ACSL1: variants seen among roughly 807,000 people sequenced by gnomAD.
The protein encoded by ACSL1 is acyl-CoA synthetase long chain family member 1, also known as long-chain-fatty-acid--CoA ligase 1.
ACSL1 carries 41 observed loss-of-function variants against 98.4 expected under a neutral mutation model. The ratio of observed to expected loss-of-function variants is 0.42; its 90% confidence interval spans 0.32 to 0.54. ACSL1 has a LOEUF of 0.54. Among genes scored for constraint, ACSL1 ranks in the 20% least tolerant of loss-of-function variants. The pLI is 0.13. For synonymous variants in ACSL1, 316 were observed against 322.7 expected, an observed-to-expected ratio of 0.98 and a Z score of 0.22; for missense variants, 734 against 883.1, an observed-to-expected ratio of 0.83 and a Z score of 2.14.
chr4:184,763,261 T>C lies in ACSL1; in HGVS notation c.1433-6A>G, dbSNP rs762010439. ...CATCGGGGCCCCAACATGGCCTGTA[T>C]ATTAAATAAGCAAATGGTCATTCCT... On this transcript the variant is annotated splice_region_variant and splice_polypyrimidine_tract_variant and intron_variant, in intron 15 of 20. Transcript: ENST00000281455. 57 of 1,613,182 alleles carry C rather than the reference T, an allele frequency of 3.5e-5. No individual in the cohort carries two copies. Among genetic ancestry groups the C allele is most frequent in the Non-Finnish European group, 4.6e-5 (54 of 1,179,614 alleles).
chr4:184,825,174 G>A lies in ACSL1; in HGVS notation c.-33+742C>T. On this transcript the variant is annotated intron_variant, in intron 1 of 20. Coordinates refer to ENST00000281455, the MANE Select transcript of ACSL1 (RefSeq NM_001995.5). The surrounding 1 kb of genome is among the most constrained non-coding windows in gnomAD (Gnocchi z 4.7). ...ACACTCTCACAACGCACCGACTGGG[G>A]GAACGCCTGTCCCCAGACTCGAATC... 2 of 985,368 alleles carry A rather than the reference G, an allele frequency of 2.0e-6. No individual in the cohort carries two copies. The highest frequency in any genetic ancestry group is 2.4e-6 in the Non-Finnish European group (2 of 829,922). The allele number at this position is 985,368 out of a possible 1,614,324, so 61.0% of individuals were successfully genotyped here.
intron 12 of ACSL1, 129 bp downstream of exon 12, chr4:184,768,187 C>T (rs577201715): frequency 1.0e-6 from 1 of 1,000,580 alleles, no homozygotes; most frequent in African/African-American, 1.7e-5. Context: ...GATGAGTAAA[C>T]TGAAGTTCTG....
chr4:184,787,342 TA>T (rs1330855096), intron 3 of ACSL1, among the ~76,000 whole-genome samples: 2 of 152,254 alleles, frequency 1.3e-5, no homozygotes, highest in South Asian at 2.1e-4. Context: ...GAGCTCGGGC[TA>T]GGGGGGCAGA....
chr4:184,795,107 C>T (rs949343630), intron 2 of ACSL1, among the ~76,000 whole-genome samples: 21 of 149,894 alleles, frequency 1.4e-4, no homozygotes, highest in Non-Finnish European at 2.9e-4. Context: ...TAGGACTGCC[C>T]GTAGAAATTT....
chr4:184,770,325 A>G, intron 11 of ACSL1, 74 bp downstream of exon 11: 1 of 1,586,378 alleles, frequency 6.3e-7, no homozygotes, highest in Non-Finnish European at 8.6e-7. Flanking sequence ...ACTCAAGGGA[A>G]GTGCTTTCTG....
intron 18 of ACSL1, chr4:184,758,221 G>C: frequency 3.4e-6 from 1 of 293,962 alleles, no homozygotes; most frequent in Non-Finnish European, 6.3e-6. Flanking sequence ...TTTAAAAGCA[G>C]GGTCAAGTAA....
intron 1 of ACSL1, chr4:184,813,899 C>T (rs780847796): frequency 2.9e-5 from 13 of 455,866 alleles, no homozygotes; most frequent in African/African-American, 1.8e-4. Context: ...AGAAACTGCA[C>T]GCAGAGAAGG....
intron 5 of ACSL1, among the ~76,000 whole-genome samples, chr4:184,779,500 A>G (rs1765873368): frequency 6.6e-6 from 1 of 152,222 alleles, no homozygotes; most frequent in African/African-American, 2.4e-5. Flanking sequence ...ACTGGTTTAC[A>G]GAAACCGTGC....
In ACSL1 at chr4:184,780,444, G is replaced by T; in HGVS notation, c.376-11C>A. The T allele has an allele frequency of 1.2e-6, 2 of 1,607,228 alleles. No homozygotes were observed. The highest frequency in any genetic ancestry group is 8.5e-7 in the Non-Finnish European group (1 of 1,177,346). On this transcript the variant is annotated splice_polypyrimidine_tract_variant and intron_variant, in intron 4 of 20. Transcript: ENST00000281455. ...CGACAATTCTGCAACCTAAAATGGAGAGGAAAAAGTCAGAAGCAGCATTGG... is the reference window on the plus strand; with the variant it reads ...CGACAATTCTGCAACCTAAAATGGATAGGAAAAAGTCAGAAGCAGCATTGG...
chr4:184,788,780 G>A, intron 2 of ACSL1, 49 bp from the exon 3 acceptor site: 1 of 1,444,118 alleles, frequency 6.9e-7, no homozygotes, highest in Admixed American at 1.7e-5. Flanking sequence ...AAACATCTAT[G>A]CACTGTGGAA....
chr4:184,821,705 G>A (rs1298860508), intron 1 of ACSL1, among the ~76,000 whole-genome samples: 1 of 152,110 alleles, frequency 6.6e-6, no homozygotes. Flanking sequence ...CCAACAAATG[G>A]GGAGAAGTAA....
At position 184,766,846 on chromosome 4, in the gene ACSL1, T is replaced by G. The variant is rs1222562838; in HGVS notation, c.1129-90A>C. 1 of 1,418,512 alleles carries G rather than the reference T, an allele frequency of 7.0e-7. No homozygotes were observed. The highest frequency in any genetic ancestry group is 1.3e-5 in the South Asian group (1 of 74,900). The allele number at this position is 1,418,512 out of a possible 1,614,324, so 87.9% of individuals were successfully genotyped here. A position where few individuals can be genotyped will look rare whatever the true frequency, so the allele number is the denominator to read the frequency against. Reference sequence around the variant, plus strand: ...AGAAATCAGAACCCTCACACACAGCTGGGGAACACAAAATGGCACAGCTGC... The same window carrying G: ...AGAAATCAGAACCCTCACACACAGCGGGGGAACACAAAATGGCACAGCTGC... On this transcript the variant is annotated intron_variant, in intron 12 of 20. Coordinates refer to ENST00000281455, the MANE Select transcript of ACSL1 (RefSeq NM_001995.5). The surrounding 1 kb of genome is among the most constrained non-coding windows in gnomAD (Gnocchi z 4.8).
At chr4:184,765,595 A>G (rs1763466062) in intron 14 of ACSL1, among the ~76,000 whole-genome samples, 1 of 152,214 alleles carries the variant, frequency 6.6e-6, no homozygotes, top group African/African-American at 2.4e-5. Context: ...GACTAGAGCT[A>G]ACAACAATGT....
In ACSL1 at chr4:184,780,209, G is replaced by A. The variant is rs952818845; in HGVS notation, c.477+123C>T. 5 of 837,624 alleles carry A rather than the reference G, an allele frequency of 6.0e-6. No individual in the cohort carries two copies. The African/African-American group carries it at 6.8e-5, about 11-fold the overall frequency. The allele number at this position is 837,624 out of a possible 1,614,324, so 51.9% of individuals were successfully genotyped here. On this transcript the variant is annotated intron_variant, in intron 5 of 20. Transcript: ENST00000281455. ...GTTTTCATATGTGTAACTTTCTAAG[G>A]TGTAACGTAAAGCTATACTTTTAGT... is the stretch of plus-strand genomic sequence containing the variant.
chr4:184,792,269 A>C (rs115823043), intron 2 of ACSL1, among the ~76,000 whole-genome samples: 1 of 152,272 alleles, frequency 6.6e-6, no homozygotes, highest in Non-Finnish European at 1.5e-5. Flanking sequence ...AGGAGACACT[A>C]ATTGAAGGCT....
chr4:184,766,233 G>A lies in ACSL1; in HGVS notation c.1264-247C>T, dbSNP rs1430639253. Among the ~76,000 whole-genome samples, 4 of 152,170 alleles carry A rather than the reference G, an allele frequency of 2.6e-5. No individual in the cohort carries two copies. Among genetic ancestry groups the A allele is most frequent in the Admixed American group, 6.5e-5 (1 of 15,282 alleles). ...CCCACCTCTGCAGAAGCTATTTCAG[G>A]GAATTAGAACACAACTGGGCAGATC... On this transcript the variant is annotated intron_variant, in intron 13 of 20. Coordinates refer to ENST00000281455, the MANE Select transcript of ACSL1 (RefSeq NM_001995.5). The surrounding 1 kb of genome is among the most constrained non-coding windows in gnomAD (Gnocchi z 4.8).
chr4:184,780,545 C>T (rs976878941), intron 4 of ACSL1, 112 bp from the exon 5 acceptor site: 45 of 684,022 alleles, frequency 6.6e-5, no homozygotes, highest in African/African-American at 6.6e-4. Flanking sequence ...CACACAGAAA[C>T]GGAGAGGGAA....
At chr4:184,782,264 TAAAA>T (rs33965361) in intron 4 of ACSL1, among the ~76,000 whole-genome samples, 1 of 143,224 alleles carries the variant, frequency 7.0e-6, no homozygotes, top group African/African-American at 2.6e-5. Context: ...CATACATTCT[TAAAA>T]AAAAAAAAAC....
intron 3 of ACSL1, among the ~76,000 whole-genome samples, chr4:184,784,430 ATTCT>A (rs1339655075): frequency 6.6e-6 from 1 of 152,228 alleles, no homozygotes; most frequent in Non-Finnish European, 1.5e-5. Flanking sequence ...GGAAAATATA[ATTCT>A]TTATGTGTCC....
Sources: allele counts gnomAD v4.1 joint callset (sites outside exome capture counted in the v4.1 genomes callset), GRCh38; gene constraint gnomAD v4.1.1; non-coding constraint Gnocchi (gnomAD v3.1); transcripts MANE v1.5; gene names NCBI Gene and HGNC (gene_info 2026-07-23, HGNC 2026-07-21).